Variants in TMEM222 observed in about 807,000 individuals in gnomAD.
TMEM222 encodes chromosome 1 open reading frame 160.
A neutral mutation model predicts 25.1 loss-of-function variants in TMEM222; 18 were observed. The observed-to-expected ratio is 0.72, with a 90% CI of 0.50 to 1.06. The LOEUF is 1.06. Among genes scored for constraint, TMEM222 ranks in the 50% least tolerant of loss-of-function variants. The probability of loss-of-function intolerance (pLI) is 0.00; values close to 1 mark genes in which losing one functional copy is unlikely to be tolerated. For synonymous variants in TMEM222, 131 were observed against 117.9 expected (o/e 1.11, Z -0.72); for missense variants, 296 against 293.7 (o/e 1.01, Z -0.06).
chr1:27,327,838 C>T (rs548540591), intron 1 of TMEM222, among the ~76,000 whole-genome samples: 1 of 152,336 alleles, frequency 6.6e-6, no homozygotes, highest in South Asian at 2.1e-4. Context: ...AATTCCTGGG[C>T]TCAAGCAATC....
At chr1:27,323,019 G>A (rs1169142182) in intron 1 of TMEM222, among the ~76,000 whole-genome samples, 2 of 152,202 alleles carry the variant, frequency 1.3e-5, no homozygotes, top group African/African-American at 2.4e-5. Context: ...TTTGGGAGGA[G>A]CTCTCATATG....
rs774185215 is a variant in TMEM222 at position 27,330,790 on chromosome 1, C to A, written c.265C>A (p.Pro89Thr). ...STGVIRDFAG[P>T]YFVSEDNMAF... The stretch of plus-strand genomic sequence containing the variant: ...AGGAGTCATTCGGGACTTCGCGGGC[C>A]CCTACTTTGTCTCAGTGAGTCCCCA... The change falls in exon 2 of 6, where the codon CCC (proline) becomes ACC (threonine). Residue 89 changes from proline (P) to threonine (T), a missense_variant. Physicochemically the swap from Pro to Thr is conservative, Grantham distance 38. Transcript: ENST00000374076. 6.2e-7 allele frequency: 1 copy of A among 1,614,184 alleles called. No homozygotes were observed.
intron 3 of TMEM222, chr1:27,333,309 C>T (rs1390312717): frequency 3.6e-5 from 17 of 470,780 alleles, no homozygotes; most frequent in African/African-American, 6.0e-5. Context: ...CCTGGAATGC[C>T]CACCTCTTCT....
Position 27,332,934 on chromosome 1 carries a change from C to T in TMEM222, c.311+833C>T, listed in dbSNP as rs144763976. The T allele has an allele frequency of 6.3e-4, 183 of 288,820 alleles. 3 individuals carry two copies. In the East Asian group the frequency reaches 0.015, roughly 24 times the overall value. 17.9% of individuals were successfully genotyped at this position (288,820 alleles called of 1,614,324 possible). A position where few individuals can be genotyped will look rare whatever the true frequency, so the allele number is the denominator to read the frequency against. ...AGGCCATGGTCTCTAGACTCCTCCA[C>T]CAAGCCATTCCCCTACACAACAGCC... On this transcript the variant is annotated intron_variant, in intron 3 of 5. Coordinates refer to ENST00000374076, the MANE Select transcript of TMEM222 (RefSeq NM_032125.3).
chr1:27,333,268 GC>G, intron 3 of TMEM222: 1 of 466,704 alleles, frequency 2.1e-6, no homozygotes, highest in Non-Finnish European at 4.4e-6. Flanking sequence ...ACAGTTTTAT[GC>G]CTGTCACTTA....
At chr1:27,334,346 A>G in intron 5 of TMEM222, 65 bp downstream of exon 5, 1 of 1,606,170 alleles carries the variant, frequency 6.2e-7, no homozygotes, top group Non-Finnish European at 8.5e-7. Context: ...AGGATCCTAG[A>G]AAGACCATTC....
chr1:27,334,688 T>C (rs868589544), intron 5 of TMEM222: 2 of 1,386,630 alleles, frequency 1.4e-6, no homozygotes, highest in Middle Eastern at 1.9e-4. Context: ...GGCAGAGAGA[T>C]TGAGTGAGTC....
chr1:27,327,220 A>G (rs1465985180), intron 1 of TMEM222, among the ~76,000 whole-genome samples: 2 of 152,102 alleles, frequency 1.3e-5, no homozygotes, highest in Non-Finnish European at 2.9e-5. Flanking sequence ...CACTGTGTAA[A>G]TGGATAAGTC....
intron 4 of TMEM222, 44 bp downstream of exon 4, chr1:27,334,098 A>C (rs902756750): frequency 6.2e-7 from 1 of 1,613,724 alleles, no homozygotes; most frequent in Admixed American, 1.7e-5. Flanking sequence ...GGTGGGGACC[A>C]GGGGGGAGGC....
chr1:27,334,556 T>C (rs189516038), intron 5 of TMEM222: 666 of 1,438,328 alleles, frequency 4.6e-4, no homozygotes, highest in Non-Finnish European at 5.5e-4. Context: ...TAGCCACAGC[T>C]GTCTCTGGTG....
rs1247039319 is a variant in TMEM222, at chr1:27,335,294, G to C, written c.540-85G>C. On this transcript the variant is annotated intron_variant, in intron 5 of 5. Coordinates refer to ENST00000374076, the MANE Select transcript of TMEM222 (RefSeq NM_032125.3). ...TTTCCTTAGGGATGGCAGCCCTATT[G>C]GGGTCTGTGGGTGCTCAGGGCTGCG... 11 of 1,350,964 alleles carry C rather than the reference G, an allele frequency of 8.1e-6. No individual in the cohort carries two copies. The East Asian group carries it at 2.3e-4, about 28-fold the overall frequency. The allele number at this position is 1,350,964 out of a possible 1,614,324, so 83.7% of individuals were successfully genotyped here. A position where few individuals can be genotyped will look rare whatever the true frequency, so the allele number is the denominator to read the frequency against.
At chr1:27,328,207 T>A (rs941301769) in intron 1 of TMEM222, among the ~76,000 whole-genome samples, 2 of 151,518 alleles carry the variant, frequency 1.3e-5, no homozygotes, top group African/African-American at 4.9e-5. Flanking sequence ...CAGTGAGGAG[T>A]CAGCTGTGCC....
At chr1:27,325,077 G>C (rs903898438) in intron 1 of TMEM222, 2 of 301,454 alleles carry the variant, frequency 6.6e-6, no homozygotes, top group African/African-American at 4.4e-5. Flanking sequence ...TTACTGTATA[G>C]TGATGATTGC....
chr1:27,329,958 C>T (rs1289016141), intron 1 of TMEM222, among the ~76,000 whole-genome samples: 1 of 152,008 alleles, frequency 6.6e-6, no homozygotes, highest in African/African-American at 2.4e-5. Flanking sequence ...AAAAATTAGC[C>T]AGGCATGGTG....
intron 5 of TMEM222, 80 bp from the exon 6 acceptor site, chr1:27,335,299 C>A: frequency 7.1e-7 from 1 of 1,406,176 alleles, no homozygotes; most frequent in African/African-American, 1.4e-5. Context: ...CTATTGGGGT[C>A]TGTGGGTGCT....
rs571037347 is a variant in TMEM222 at position 27,328,905 on chromosome 1, G to A, written c.195-1815G>A. 4.9e-4 allele frequency among the ~76,000 whole-genome samples: 74 copies of A among 152,232 alleles called. 2 individuals carry two copies. The South Asian group carries it at 0.014, about 29-fold the overall frequency. ...CCAGGCAGCATTGAGGCCAGGACTC[G>A]GCCACTGGCCCTGTGAGTTCTCCTT... On this transcript the variant is annotated intron_variant, in intron 1 of 5. Transcript: ENST00000374076.
At chr1:27,334,082 T>G in intron 4 of TMEM222, 28 bp downstream of exon 4, 1 of 1,613,814 alleles carries the variant, frequency 6.2e-7, no homozygotes, top group Non-Finnish European at 8.5e-7. Flanking sequence ...GCACCGGCAC[T>G]CCCCAGGTGG....
intron 3 of TMEM222, chr1:27,333,386 C>A (rs945426610): frequency 2.1e-5 from 10 of 471,080 alleles, no homozygotes; most frequent in African/African-American, 1.8e-4. Context: ...AGCCTTCTCA[C>A]ACCCCATCTT....
intron 1 of TMEM222, among the ~76,000 whole-genome samples, chr1:27,326,410 A>G (rs2014351944): frequency 6.6e-6 from 1 of 152,096 alleles, no homozygotes; most frequent in Admixed American, 6.6e-5. Context: ...TTTTGTATGC[A>G]ATTCTCGATT....
Sources: gnomAD v4.1 joint callset for allele counts (sites outside exome capture counted in the v4.1 genomes callset) on GRCh38, gnomAD v4.1.1 for gene constraint, MANE v1.5 for transcripts, NCBI Gene and HGNC (gene_info 2026-07-23, HGNC 2026-07-21) for gene names.